The following GSK3B variants were observed in gnomAD, a reference collection of about 807,000 sequenced individuals.
GSK3B encodes glycogen synthase kinase-3 beta.
GSK3B carries 15 observed loss-of-function variants against 56.4 expected under a neutral mutation model. The ratio of observed to expected loss-of-function variants is 0.27; its 90% CI spans 0.18 to 0.41. The LOEUF is 0.41. Ranked by LOEUF, GSK3B falls within the 10% of genes least tolerant of loss-of-function variation. GSK3B has a pLI of 1.00. For synonymous variants in GSK3B, 181 were observed against 188.9 expected (o/e 0.96, Z 0.34); for missense variants, 300 against 513.4 (o/e 0.58, Z 4.02).
intron 7 of GSK3B, among the ~76,000 whole-genome samples, chr3:119,881,613 A>G (rs2056380130): frequency 6.6e-6 from 1 of 152,242 alleles, no homozygotes; most frequent in Non-Finnish European, 1.5e-5. Flanking sequence ...TGTGATGTCC[A>G]TTAGTAAATG....
intron 2 of GSK3B, among the ~76,000 whole-genome samples, chr3:119,963,493 A>G (rs1041807301): frequency 1.3e-5 from 2 of 151,800 alleles, no homozygotes; most frequent in African/African-American, 4.8e-5. Flanking sequence ...AAAAACAGAC[A>G]TATGAATCCC....
intron 3 of GSK3B, among the ~76,000 whole-genome samples, chr3:119,934,293 T>A (rs1432494498): frequency 6.6e-6 from 1 of 152,232 alleles, no homozygotes. Flanking sequence ...CGACAGTATA[T>A]GTCCTTGATA....
At chr3:119,966,510 T>C (rs1051599960) in intron 2 of GSK3B, among the ~76,000 whole-genome samples, 1 of 152,124 alleles carries the variant, frequency 6.6e-6, no homozygotes, top group Non-Finnish European at 1.5e-5. Context: ...TTGGGAGGAT[T>C]AGGAAAATAA....
Position 120,094,112 on chromosome 3 carries a change from G to T in GSK3B, c.-678C>A. The T allele has an allele frequency of 4.4e-6, 1 of 229,352 alleles. No homozygotes were observed. The allele number at this position is 229,352 out of a possible 1,614,324, so 14.2% of individuals were successfully genotyped here. On this transcript the variant is annotated 5_prime_UTR_variant, in exon 1 of 11. Coordinates refer to ENST00000264235, the MANE Select transcript of GSK3B (RefSeq NM_001146156.2). Reference sequence around the variant, plus strand: ...CTGCAGGCGGCGGCTGGATCCAGCGGCCATGGCGGTGGCGGAGGCAGCTCC... The same window carrying T: ...CTGCAGGCGGCGGCTGGATCCAGCGTCCATGGCGGTGGCGGAGGCAGCTCC...
In GSK3B at chr3:120,002,250, A is replaced by G; in HGVS notation, c.89-11T>C. ...TGCCGTCCTTGTCTCCTAAAGGAAGAAAGGAAATTTTTTTTTCACGAGAAC... is the reference window on the plus strand; with the variant it reads ...TGCCGTCCTTGTCTCCTAAAGGAAGGAAGGAAATTTTTTTTTCACGAGAAC... On this transcript the variant is annotated splice_polypyrimidine_tract_variant and intron_variant, in intron 1 of 10. Coordinates refer to ENST00000264235, the MANE Select transcript of GSK3B (RefSeq NM_001146156.2). 2 of 1,503,308 alleles carry G rather than the reference A, an allele frequency of 1.3e-6. No homozygotes were observed. Among genetic ancestry groups the G allele is most frequent in the Non-Finnish European group, 1.8e-6 (2 of 1,128,008 alleles). 93.1% of individuals were successfully genotyped at this position (1,503,308 alleles called of 1,614,324 possible).
At chr3:119,930,007 A>T (rs1247749070) in intron 3 of GSK3B, among the ~76,000 whole-genome samples, 2 of 151,520 alleles carry the variant, frequency 1.3e-5, no homozygotes, top group Non-Finnish European at 2.9e-5. Flanking sequence ...CTTGAGCCCG[A>T]AAAGTCAAGG....
intron 1 of GSK3B, among the ~76,000 whole-genome samples, chr3:120,014,898 C>G (rs940626143): frequency 1.3e-5 from 2 of 152,058 alleles, no homozygotes; most frequent in African/African-American, 4.8e-5. Flanking sequence ...CAGAAAGACT[C>G]CAGAGTTCTT....
At chr3:119,855,953 T>C (rs749454412) in intron 9 of GSK3B, among the ~76,000 whole-genome samples, 22 of 152,322 alleles carry the variant, frequency 1.4e-4, no homozygotes, top group Admixed American at 2.6e-4. Flanking sequence ...GTTGTGCACA[T>C]GTACCCTAGA....
chr3:119,834,633 T>C (rs2055661179), intron 10 of GSK3B, among the ~76,000 whole-genome samples: 1 of 152,122 alleles, frequency 6.6e-6, no homozygotes, highest in Admixed American at 6.5e-5. Context: ...ACAGGTAACA[T>C]TTTCACTGTT....
At chr3:119,978,067 T>C (rs920290044) in intron 2 of GSK3B, among the ~76,000 whole-genome samples, 12 of 152,124 alleles carry the variant, frequency 7.9e-5, no homozygotes, top group African/African-American at 2.7e-4. Context: ...AACATCACCA[T>C]CTTGAACAAG....
intron 1 of GSK3B, among the ~76,000 whole-genome samples, chr3:120,081,060 C>T (rs2058415116): frequency 6.6e-6 from 1 of 152,078 alleles, no homozygotes; most frequent in South Asian, 2.1e-4. Context: ...TAAGGGGATA[C>T]CGTAGTAGCG....
chr3:120,005,990 TAA>T, intron 1 of GSK3B, among the ~76,000 whole-genome samples: 2 of 152,136 alleles, frequency 1.3e-5, no homozygotes, highest in Middle Eastern at 6.8e-3. Context: ...GCAAACTGGA[TAA>T]AGACTCAAGA....
rs574041907 is a variant in GSK3B, at chr3:119,954,308, A to C, written c.283-6957T>G. On this transcript the variant is annotated intron_variant, in intron 2 of 10. Transcript: ENST00000264235. The stretch of plus-strand genomic sequence containing the variant: ...AGAATAGAATAGAATAGAATAGAAA[A>C]GAAACAGAACAGAACAGAACAGCAT... 1.4e-3 allele frequency among the ~76,000 whole-genome samples: 177 copies of C among 125,154 alleles called. 2 individuals carry two copies. The highest frequency in any genetic ancestry group is 4.7e-3 in the African/African-American group (148 of 31,604). The allele number at this position is 125,154 out of a possible 152,430, so 82.1% of individuals were successfully genotyped here. A position where few individuals can be genotyped will look rare whatever the true frequency, so the allele number is the denominator to read the frequency against.
intron 9 of GSK3B, among the ~76,000 whole-genome samples, chr3:119,852,436 C>T (rs1387892880): frequency 1.3e-5 from 2 of 151,900 alleles, no homozygotes; most frequent in African/African-American, 4.8e-5. Context: ...GTGACCTCTG[C>T]CTCCTGGGTT....
intron 7 of GSK3B, 89 bp downstream of exon 7, chr3:119,905,666 G>A: frequency 1.3e-6 from 1 of 759,144 alleles, no homozygotes. Context: ...CATTTTTTAA[G>A]TTTCTCGTAT....
At chr3:119,984,285 C>T (rs1019395155) in intron 2 of GSK3B, among the ~76,000 whole-genome samples, 2 of 150,824 alleles carry the variant, frequency 1.3e-5, no homozygotes, top group Admixed American at 6.6e-5. Context: ...CCTAACATCA[C>T]AATTAAAAGA....
intron 7 of GSK3B, among the ~76,000 whole-genome samples, chr3:119,884,399 G>C (rs1428836991): frequency 4.6e-5 from 7 of 152,166 alleles, no homozygotes; most frequent in Non-Finnish European, 1.0e-4. Context: ...GTGAGAGAGA[G>C]AGGAGAGAAC....
chr3:120,075,379 A>G (rs2058359770), intron 1 of GSK3B, among the ~76,000 whole-genome samples: 1 of 152,194 alleles, frequency 6.6e-6, no homozygotes, highest in South Asian at 2.1e-4. Context: ...GTGCTGGAAG[A>G]GCTTGTCTAA....
intron 5 of GSK3B, among the ~76,000 whole-genome samples, chr3:119,915,285 C>A (rs535629915): frequency 6.6e-6 from 1 of 151,670 alleles, no homozygotes; most frequent in South Asian, 2.1e-4. Context: ...TTATCTCATC[C>A]CTGAATTGAG....
Sources: gnomAD v4.1 joint callset for allele counts (sites outside exome capture counted in the v4.1 genomes callset) on GRCh38, gnomAD v4.1.1 for gene constraint, MANE v1.5 for transcripts, NCBI Gene and HGNC (gene_info 2026-07-23, HGNC 2026-07-21) for gene names.